Variants in ACVR1B observed in about 807,000 individuals in gnomAD.
ACVR1B encodes the protein activin A receptor type 1B, also known as activin receptor type-1B.
Under a neutral mutation model 55.6 loss-of-function variants are expected in ACVR1B, and 15 were observed. The ratio of observed to expected loss-of-function variants is 0.27; its 90% CI spans 0.18 to 0.42. The LOEUF is 0.42. Ranked by LOEUF, ACVR1B falls within the 10% of genes least tolerant of loss-of-function variation. The pLI, the probability that ACVR1B is intolerant of heterozygous loss-of-function variation, is 1.00. For missense variants in ACVR1B, 359 were observed against 670.1 expected, an observed-to-expected ratio of 0.54 and a Z score of 5.13; for synonymous variants, 247 against 254.6, an observed-to-expected ratio of 0.97 and a Z score of 0.28.
At chr12:51,961,648 C>G (rs1421931530) in intron 1 of ACVR1B, among the ~76,000 whole-genome samples, 1 of 152,128 alleles carries the variant, frequency 6.6e-6, no homozygotes, top group African/African-American at 2.4e-5. Flanking sequence ...AAAACTGTGA[C>G]ATACACGGTC....
chr12:51,967,605 C>A (rs1288433443), intron 1 of ACVR1B, among the ~76,000 whole-genome samples: 1 of 152,084 alleles, frequency 6.6e-6, no homozygotes, highest in Non-Finnish European at 1.5e-5. Context: ...TGGGGGAAAC[C>A]TGCTAGAGAA....
At chr12:51,990,184 C>T (rs910079411) in intron 7 of ACVR1B, among the ~76,000 whole-genome samples, 31 of 151,742 alleles carry the variant, frequency 2.0e-4, no homozygotes, top group Middle Eastern at 3.4e-3. Context: ...ATCCCAGCTA[C>T]TCGGAGGCTG....
intron 1 of ACVR1B, 56 bp downstream of exon 1, chr12:51,951,890 G>C: frequency 8.9e-7 from 1 of 1,117,736 alleles, no homozygotes; most frequent in Non-Finnish European, 1.1e-6. Flanking sequence ...GCAAGGGCGA[G>C]GCCTCGAGCC....
chr12:51,974,862 G>A (rs56219408), intron 1 of ACVR1B, among the ~76,000 whole-genome samples: 1 of 152,222 alleles, frequency 6.6e-6, no homozygotes, highest in Non-Finnish European at 1.5e-5. Context: ...GCATGCTGCA[G>A]GAAGCCGTGG....
intron 4 of ACVR1B, 120 bp downstream of exon 4, chr12:51,981,319 T>A: frequency 1.2e-6 from 1 of 814,544 alleles, no homozygotes; most frequent in Non-Finnish European, 1.9e-6. Context: ...AAAACTTGAG[T>A]AAGGTCAAGG....
At chr12:51,982,615 G>C (rs151272959) in intron 4 of ACVR1B, 2 of 1,419,346 alleles carry the variant, frequency 1.4e-6, no homozygotes, top group African/African-American at 2.9e-5. Flanking sequence ...CTGTGGCATG[G>C]TGCAATTTAG....
chr12:51,964,251 T>C (rs1003136080), intron 1 of ACVR1B, among the ~76,000 whole-genome samples: 3 of 152,194 alleles, frequency 2.0e-5, no homozygotes, highest in Non-Finnish European at 2.9e-5. Context: ...AGAGATCTTC[T>C]TGCCTCAGAC....
rs905508945 is a variant in ACVR1B at position 51,975,388 on chromosome 12, A to G, written c.215A>G (p.Lys72Arg). 1 of 1,614,126 alleles carries G rather than the reference A, an allele frequency of 6.2e-7. No individual in the cohort carries two copies. ...CACCATGTGCGCACCTGCATCCCCA[A>G]AGTGGAGCTGGTCCCTGCCGGGAAG... ...MEHHVRTCIPKVELVPAGKPF... is the reference protein window; with the variant it reads ...MEHHVRTCIPRVELVPAGKPF... The change falls in exon 2 of 9, where the codon AAA (lysine) becomes AGA (arginine). Residue 72 changes from lysine to arginine, a missense_variant. This residue lies in a region of ACVR1B where 133 missense variants were observed against 188.2 expected (regional missense o/e 0.71). Transcript: ENST00000257963.
intron 7 of ACVR1B, chr12:51,987,313 C>T (rs1592260726): frequency 1.8e-6 from 1 of 543,222 alleles, no homozygotes; most frequent in African/African-American, 1.9e-5. Context: ...GGCTCCCAAG[C>T]CACATTCATG....
intron 3 of ACVR1B, 139 bp downstream of exon 3, chr12:51,976,714 C>G (rs1451246024): frequency 9.3e-7 from 1 of 1,074,458 alleles, no homozygotes; most frequent in Admixed American, 2.3e-5. Flanking sequence ...AGTTCCCCTT[C>G]TTTTGGAGTC....
At chr12:51,975,584 C>A (rs1248338957) in intron 2 of ACVR1B, 80 bp downstream of exon 2, 2 of 1,529,576 alleles carry the variant, frequency 1.3e-6, no homozygotes, top group East Asian at 2.3e-5. Flanking sequence ...CTACTCTTGC[C>A]CACTCACTTG....
chr12:51,977,139 A>C (rs945460069), intron 3 of ACVR1B, among the ~76,000 whole-genome samples: 2 of 152,182 alleles, frequency 1.3e-5, no homozygotes, highest in Non-Finnish European at 2.9e-5. Flanking sequence ...TTTGTTGACC[A>C]AGTCTTTCTC....
At chr12:51,963,754 A>C (rs972381272) in intron 1 of ACVR1B, among the ~76,000 whole-genome samples, 1 of 152,178 alleles carries the variant, frequency 6.6e-6, no homozygotes, top group Non-Finnish European at 1.5e-5. Context: ...GAGAATATTC[A>C]TGTACAAGTC....
chr12:51,954,690 G>A (rs777667045), intron 1 of ACVR1B, among the ~76,000 whole-genome samples: 1 of 152,200 alleles, frequency 6.6e-6, no homozygotes, highest in Admixed American at 6.5e-5. Flanking sequence ...CTTACAAGTT[G>A]TCCTTGAACA....
intron 1 of ACVR1B, among the ~76,000 whole-genome samples, chr12:51,961,561 C>G (rs1383046977): frequency 6.6e-6 from 1 of 152,166 alleles, no homozygotes; most frequent in Non-Finnish European, 1.5e-5. Context: ...GTTTTATTCT[C>G]AGTTTGGCTG....
At chr12:51,971,667 T>G (rs1026382560) in intron 1 of ACVR1B, among the ~76,000 whole-genome samples, 2 of 152,354 alleles carry the variant, frequency 1.3e-5, no homozygotes, top group East Asian at 3.9e-4. Context: ...TTATAATTTA[T>G]CACTTTTGTT....
At chr12:51,991,129 G>C (rs554372800) in intron 7 of ACVR1B, among the ~76,000 whole-genome samples, 1 of 152,302 alleles carries the variant, frequency 6.6e-6, no homozygotes, top group African/African-American at 2.4e-5. Context: ...AAAAATACTT[G>C]ATTCTTTCCA....
intron 1 of ACVR1B, among the ~76,000 whole-genome samples, chr12:51,973,030 T>C (rs1243984625): frequency 1.3e-5 from 2 of 152,310 alleles, no homozygotes; most frequent in African/African-American, 2.4e-5. Flanking sequence ...TCACCACTTT[T>C]GTTCTTTCCT....
At position 51,994,963 on chromosome 12, in the gene ACVR1B, C is replaced by G. The variant is rs1942272956; in HGVS notation, c.*853C>G. On this transcript the variant is annotated 3_prime_UTR_variant, in exon 9 of 9. Coordinates refer to ENST00000257963, the MANE Select transcript of ACVR1B (RefSeq NM_004302.5). This position sits in a 1 kb window ranked among gnomAD's most constrained non-coding sequence, Gnocchi z 4.2. The stretch of plus-strand genomic sequence containing the variant: ...TCTGCCCACCCCAGCATCAGCACAG[C>G]TCTCCTCCTCCATCTCAGACTGTGG... 6.5e-6 allele frequency: 1 copy of G among 152,766 alleles called. No individual in the cohort carries two copies. Among genetic ancestry groups the G allele is most frequent in the African/African-American group, 2.4e-5 (1 of 41,408 alleles). 9.5% of individuals were successfully genotyped at this position (152,766 alleles called of 1,614,324 possible).
Sources: gnomAD v4.1 joint callset for allele counts (sites outside exome capture counted in the v4.1 genomes callset) on GRCh38, gnomAD v4.1.1 for gene constraint, gnomAD v4.1.1 regional missense constraint, Gnocchi (gnomAD v3.1) non-coding constraint, MANE v1.5 for transcripts, NCBI Gene and HGNC (gene_info 2026-07-23, HGNC 2026-07-21) for gene names.